The following ERC2 variants were observed in gnomAD, a reference collection of about 807,000 sequenced individuals.
ERC2 encodes the protein ELKS/RAB6-interacting/CAST family member 2.
ERC2 carries 42 observed loss-of-function variants against 114.8 expected under a neutral mutation model. The ratio of observed to expected loss-of-function variants is 0.37; its 90% CI spans 0.29 to 0.47. The LOEUF is 0.47. Ranked by LOEUF, ERC2 falls within the 20% of genes least tolerant of loss-of-function variation. The pLI is 0.99. For synonymous variants in ERC2, 454 were observed against 425.5 expected, an observed-to-expected ratio of 1.07 and a Z score of -0.82; for missense variants, 939 against 1,150.7, an observed-to-expected ratio of 0.82 and a Z score of 2.66.
chr3:56,181,974 A>G (rs922561007), intron 3 of ERC2, among the ~76,000 whole-genome samples: 3 of 152,194 alleles, frequency 2.0e-5, no homozygotes, highest in African/African-American at 7.2e-5. Flanking sequence ...GCAACCTCAT[A>G]AGGGGCACTG....
intron 15 of ERC2, among the ~76,000 whole-genome samples, chr3:55,702,807 A>C (rs866973200): frequency 6.6e-6 from 1 of 152,320 alleles, no homozygotes; most frequent in Middle Eastern, 3.4e-3. Flanking sequence ...AAAAGCCTGA[A>C]GCAGCAAATC....
At chr3:55,716,146 A>ACAGTGGCTCC (rs2064109359) in intron 15 of ERC2, among the ~76,000 whole-genome samples, 1 of 152,198 alleles carries the variant, frequency 6.6e-6, no homozygotes, top group Non-Finnish European at 1.5e-5. Context: ...TTAAGAATAC[A>ACAGTGGCTCC]CAGTGGCTCC....
At chr3:56,341,570 T>C (rs2058090476) in intron 2 of ERC2, among the ~76,000 whole-genome samples, 1 of 151,582 alleles carries the variant, frequency 6.6e-6, no homozygotes, top group Non-Finnish European at 1.5e-5. Flanking sequence ...AGTCATGAGC[T>C]TGCCAATCTT....
intron 14 of ERC2, among the ~76,000 whole-genome samples, chr3:55,854,353 CT>C (rs2061698159): frequency 1.3e-5 from 2 of 151,944 alleles, no homozygotes; most frequent in Non-Finnish European, 2.9e-5. Flanking sequence ...TGAGTTTTTG[CT>C]TTTGTAGTTG....
intron 2 of ERC2, among the ~76,000 whole-genome samples, chr3:56,354,296 G>A (rs2058663090): frequency 2.0e-5 from 3 of 152,236 alleles, no homozygotes; most frequent in Admixed American, 2.0e-4. Flanking sequence ...CTTCCTACAT[G>A]GCTCTTCGCT....
intron 14 of ERC2, among the ~76,000 whole-genome samples, chr3:55,772,282 G>A (rs1227704505): frequency 2.6e-5 from 4 of 151,556 alleles, no homozygotes; most frequent in Non-Finnish European, 2.9e-5. Context: ...AGCTGGGACT[G>A]CAGGCATGCA....
At chr3:56,387,626 T>G (rs924923622) in intron 2 of ERC2, among the ~76,000 whole-genome samples, 12 of 152,198 alleles carry the variant, frequency 7.9e-5, no homozygotes, top group Non-Finnish European at 1.2e-4. Context: ...TTGGACTGCC[T>G]TCGAAAATGA....
intron 17 of ERC2, among the ~76,000 whole-genome samples, chr3:55,669,718 G>C (rs550920186): frequency 6.6e-6 from 1 of 152,306 alleles, no homozygotes; most frequent in East Asian, 1.9e-4. Flanking sequence ...TGGACAGTTT[G>C]CTTGACTCTT....
intron 2 of ERC2, among the ~76,000 whole-genome samples, chr3:56,400,214 G>C (rs1243316447): frequency 6.6e-6 from 1 of 152,130 alleles, no homozygotes; most frequent in Admixed American, 6.5e-5. Flanking sequence ...TAGGATATCT[G>C]AAATCTGCTT....
In ERC2 at chr3:55,510,393, G is replaced by C. The variant is rs1228172319; in HGVS notation, c.*923C>G. On this transcript the variant is annotated 3_prime_UTR_variant, in exon 18 of 18. Coordinates refer to ENST00000288221, the MANE Select transcript of ERC2 (RefSeq NM_015576.3). ...CTTCATGGAGACCTGCATGCACCGG[G>C]ATGGTAAGAGTCTGAGGCTTGGTGG... The C allele has an allele frequency of 6.6e-6, 1 of 152,376 alleles. No homozygotes were observed. Among genetic ancestry groups the C allele is most frequent in the African/African-American group, 2.4e-5 (1 of 41,420 alleles). The allele number at this position is 152,376 out of a possible 1,614,324, so 9.4% of individuals were successfully genotyped here.
intron 13 of ERC2, among the ~76,000 whole-genome samples, chr3:55,890,050 C>T (rs1212358326): frequency 1.3e-5 from 2 of 152,240 alleles, no homozygotes; most frequent in Middle Eastern, 3.4e-3. Context: ...AAAGAATAAC[C>T]TATGAAAGTG....
intron 17 of ERC2, among the ~76,000 whole-genome samples, chr3:55,627,650 C>A (rs1050665780): frequency 6.6e-6 from 1 of 152,024 alleles, no homozygotes; most frequent in Non-Finnish European, 1.5e-5. Context: ...AAACACAGGA[C>A]CATAGAGCTG....
intron 17 of ERC2, among the ~76,000 whole-genome samples, chr3:55,544,904 C>T (rs12487514): frequency 0.68 from 103,249 of 151,990 alleles, 35,750 homozygotes; most frequent in East Asian, 0.83. Flanking sequence ...CCAAAGGGTC[C>T]TGTGACCAAT....
chr3:55,972,259 G>T (rs369342044), intron 12 of ERC2, among the ~76,000 whole-genome samples: 18 of 152,286 alleles, frequency 1.2e-4, no homozygotes, highest in African/African-American at 4.3e-4. Context: ...CTTTTTATTT[G>T]TGATTTTCTT....
At chr3:55,814,658 A>C (rs2059844292) in intron 14 of ERC2, among the ~76,000 whole-genome samples, 2 of 152,200 alleles carry the variant, frequency 1.3e-5, no homozygotes, top group African/African-American at 4.8e-5. Flanking sequence ...GTTGTAAGAT[A>C]TATGTGGGGT....
chr3:55,911,643 T>C (rs777353590), intron 13 of ERC2, among the ~76,000 whole-genome samples: 2 of 152,194 alleles, frequency 1.3e-5, no homozygotes, highest in African/African-American at 2.4e-5. Flanking sequence ...AAATACCCAA[T>C]TTCTTCAATT....
intron 8 of ERC2, among the ~76,000 whole-genome samples, chr3:56,014,490 C>A (rs1022290678): frequency 6.6e-6 from 1 of 152,068 alleles, no homozygotes; most frequent in Admixed American, 6.6e-5. Flanking sequence ...GGTACTGAGA[C>A]GCTGAGAGAA....
At chr3:55,743,521 G>A (rs552850792) in intron 14 of ERC2, among the ~76,000 whole-genome samples, 4 of 148,238 alleles carry the variant, frequency 2.7e-5, no homozygotes, top group Non-Finnish European at 5.9e-5. Context: ...TGAAGGATGG[G>A]AGGGACCATT....
intron 14 of ERC2, among the ~76,000 whole-genome samples, chr3:55,808,426 T>C (rs2059572755): frequency 6.6e-6 from 1 of 151,924 alleles, no homozygotes; most frequent in African/African-American, 2.4e-5. Flanking sequence ...TCACAAACCA[T>C]TTACATCTGT....
Sources: gnomAD v4.1 joint callset for allele counts (sites outside exome capture counted in the v4.1 genomes callset) on GRCh38, gnomAD v4.1.1 for gene constraint, MANE v1.5 for transcripts, NCBI Gene and HGNC (gene_info 2026-07-23, HGNC 2026-07-21) for gene names.